The following GTF2F2 variants were observed in gnomAD, a reference collection of about 807,000 sequenced individuals.
GTF2F2 encodes the protein general transcription factor IIF subunit 2, also known as ATP-dependent helicase GTF2F2.
Under a neutral mutation model 42.2 loss-of-function variants are expected in GTF2F2, and 23 were observed. That is an observed-to-expected ratio of 0.55 (90% CI 0.39 to 0.77). The LOEUF is 0.77. Ranked by LOEUF, GTF2F2 falls within the 30% of genes least tolerant of loss-of-function variation. The pLI is 0.00. For missense variants in GTF2F2, 261 were observed against 287.2 expected (o/e 0.91, Z 0.66); for synonymous variants, 105 against 100.8 (o/e 1.04, Z -0.25).
chr13:45,164,703 G>A (rs1201067365), intron 4 of GTF2F2, among the ~76,000 whole-genome samples: 1 of 152,174 alleles, frequency 6.6e-6, no homozygotes, highest in Non-Finnish European at 1.5e-5. Context: ...TCCAGTGTCA[G>A]TGACAGAGTG....
intron 7 of GTF2F2, among the ~76,000 whole-genome samples, chr13:45,275,548 C>T (rs537723720): frequency 1.4e-3 from 208 of 149,150 alleles, no homozygotes; most frequent in African/African-American, 4.9e-3. Context: ...TGAGAACATG[C>T]GGTATTTGGT....
chr13:45,249,393 G>A (rs1367918604), intron 5 of GTF2F2, among the ~76,000 whole-genome samples: 2 of 151,778 alleles, frequency 1.3e-5, no homozygotes, highest in East Asian at 3.8e-4. Flanking sequence ...AAAAAAATCA[G>A]TGTTTTCCTT....
chr13:45,148,961 A>G (rs1870341822), intron 2 of GTF2F2, among the ~76,000 whole-genome samples: 1 of 152,166 alleles, frequency 6.6e-6, no homozygotes, highest in Non-Finnish European at 1.5e-5. Context: ...TTGTTTTATA[A>G]TAGAGGAAAA....
At chr13:45,267,145 G>C (rs566506949) in intron 6 of GTF2F2, 88 bp from the exon 7 acceptor site, 2 of 1,097,426 alleles carry the variant, frequency 1.8e-6, no homozygotes, top group East Asian at 2.4e-5. Flanking sequence ...GCAAAACTCT[G>C]TCTCAAAAAA....
intron 6 of GTF2F2, among the ~76,000 whole-genome samples, chr13:45,256,954 A>C (rs1304341627): frequency 6.6e-6 from 1 of 152,188 alleles, no homozygotes; most frequent in Non-Finnish European, 1.5e-5. Context: ...AAAAAGTGAA[A>C]GAGGGACTGG....
intron 5 of GTF2F2, among the ~76,000 whole-genome samples, chr13:45,218,080 C>T (rs1593497539): frequency 1.3e-5 from 2 of 152,210 alleles, no homozygotes; most frequent in African/African-American, 4.8e-5. Context: ...AGAGAACTCA[C>T]TGAAATTAAA....
At chr13:45,279,913 C>A (rs904012239) in intron 7 of GTF2F2, among the ~76,000 whole-genome samples, 1 of 151,462 alleles carries the variant, frequency 6.6e-6, no homozygotes, top group Non-Finnish European at 1.5e-5. Flanking sequence ...TCCCACCGTC[C>A]CCCCGCCCCC....
intron 4 of GTF2F2, among the ~76,000 whole-genome samples, chr13:45,171,153 C>T (rs1871580349): frequency 7.0e-6 from 1 of 142,256 alleles, no homozygotes; most frequent in South Asian, 2.3e-4. Flanking sequence ...TCTTGGCTCA[C>T]TGCAACCTCC....
intron 1 of GTF2F2, among the ~76,000 whole-genome samples, chr13:45,125,671 G>T (rs989778353): frequency 2.0e-5 from 3 of 152,156 alleles, no homozygotes; most frequent in Non-Finnish European, 4.4e-5. Flanking sequence ...CAGAGGTGAG[G>T]TGGGGACTTC....
intron 6 of GTF2F2, chr13:45,263,542 T>A (rs1359032576): frequency 6.6e-6 from 1 of 152,162 alleles, no homozygotes; most frequent in East Asian, 1.9e-4. Context: ...GACAACATTT[T>A]TAAGAGTTTT....
At chr13:45,275,322 A>G in intron 7 of GTF2F2, among the ~76,000 whole-genome samples, 1 of 151,980 alleles carries the variant, frequency 6.6e-6, no homozygotes, top group Middle Eastern at 3.4e-3. Context: ...TATTATTATT[A>G]TTTAAGTTCT....
rs998943991 is a variant in GTF2F2 at position 45,284,597 on chromosome 13, A to G, written c.*1036A>G. 1.3e-5 allele frequency: 2 copies of G among 152,116 alleles called. No individual in the cohort carries two copies. Among genetic ancestry groups the G allele is most frequent in the Non-Finnish European group, 2.9e-5 (2 of 68,018 alleles). The allele number at this position is 152,116 out of a possible 1,614,324, so 9.4% of individuals were successfully genotyped here. On this transcript the variant is annotated 3_prime_UTR_variant, in exon 8 of 8. Coordinates refer to ENST00000340473, the MANE Select transcript of GTF2F2 (RefSeq NM_004128.3). ...AAGCACAGGGAAAAGTTGTTTTTTCACTCGTTCATTTTGTCATCTGCTTCT... is the reference window on the plus strand; with the variant it reads ...AAGCACAGGGAAAAGTTGTTTTTTCGCTCGTTCATTTTGTCATCTGCTTCT...
chr13:45,172,774 A>G (rs1384817966), intron 4 of GTF2F2, among the ~76,000 whole-genome samples: 1 of 152,016 alleles, frequency 6.6e-6, no homozygotes, highest in Non-Finnish European at 1.5e-5. Flanking sequence ...TTGTTTATGG[A>G]CTCTCAGTTC....
chr13:45,283,740 G>C lies in GTF2F2; in HGVS notation c.*179G>C, dbSNP rs1472580558. ...AAAGTTTCTTAACTGTTTTTTTGAG[G>C]AGAAAGAACAGATTTATTTATAGAC... On this transcript the variant is annotated 3_prime_UTR_variant, in exon 8 of 8. Transcript: ENST00000340473. 1 of 360,536 alleles carries C rather than the reference G, an allele frequency of 2.8e-6. No homozygotes were observed. Among genetic ancestry groups the C allele is most frequent in the Non-Finnish European group, 5.0e-6 (1 of 201,762 alleles). The allele number at this position is 360,536 out of a possible 1,614,324, so 22.3% of individuals were successfully genotyped here. A position where few individuals can be genotyped will look rare whatever the true frequency, so the allele number is the denominator to read the frequency against.
intron 2 of GTF2F2, among the ~76,000 whole-genome samples, chr13:45,144,566 C>T (rs1262607199): frequency 6.7e-6 from 1 of 150,338 alleles, no homozygotes; most frequent in Non-Finnish European, 1.5e-5. Context: ...CTCAGCCTCC[C>T]GAGTAGCTGG....
At chr13:45,224,160 C>G (rs908806747) in intron 5 of GTF2F2, among the ~76,000 whole-genome samples, 1 of 152,058 alleles carries the variant, frequency 6.6e-6, no homozygotes, top group African/African-American at 2.4e-5. Flanking sequence ...ATTATTTGCC[C>G]CTTTACAAGA....
intron 2 of GTF2F2, among the ~76,000 whole-genome samples, chr13:45,141,455 C>T (rs1869920967): frequency 6.6e-6 from 1 of 152,156 alleles, no homozygotes; most frequent in Admixed American, 6.5e-5. Context: ...TTTCCCTATG[C>T]AATTATTAAT....
chr13:45,191,300 G>C (rs1397841439), intron 4 of GTF2F2, among the ~76,000 whole-genome samples: 6 of 143,688 alleles, frequency 4.2e-5, no homozygotes, highest in Admixed American at 7.0e-5. Flanking sequence ...TCACTGCATG[G>C]GGTAATTCCA....
chr13:45,227,698 A>G (rs1319977022), intron 5 of GTF2F2, among the ~76,000 whole-genome samples: 1 of 152,226 alleles, frequency 6.6e-6, no homozygotes, highest in Non-Finnish European at 1.5e-5. Context: ...TAGGTGACAG[A>G]CATTCTGAAT....
Sources: gnomAD v4.1 joint callset for allele counts (sites outside exome capture counted in the v4.1 genomes callset) on GRCh38, gnomAD v4.1.1 for gene constraint, MANE v1.5 for transcripts, NCBI Gene and HGNC (gene_info 2026-07-23, HGNC 2026-07-21) for gene names.